The following MYO5A variants were observed in gnomAD, a reference collection of about 807,000 sequenced individuals.
The protein encoded by MYO5A is unconventional myosin-Va.
A neutral mutation model predicts 249.7 loss-of-function variants in MYO5A; 98 were observed. The observed-to-expected ratio is 0.39, with a 90% confidence interval of 0.33 to 0.46. The LOEUF (loss-of-function observed/expected upper bound fraction) is 0.46, where lower values mean the gene tolerates loss of function less well. MYO5A is among the 20% of genes least tolerant of loss of function. MYO5A has a pLI of 0.98. For synonymous variants in MYO5A, 778 were observed against 810.6 expected (o/e 0.96, Z 0.68); for missense variants, 1,696 against 2,308.8 (o/e 0.73, Z 5.44).
chr15:52,336,840 C>T (rs932257823), intron 33 of MYO5A, among the ~76,000 whole-genome samples: 1 of 152,206 alleles, frequency 6.6e-6, no homozygotes, highest in African/African-American at 2.4e-5. Flanking sequence ...CAACTGAATG[C>T]TTTGTAGAAT....
intron 1 of MYO5A, 42 bp downstream of exon 1, chr15:52,528,738 C>T: frequency 6.7e-7 from 1 of 1,492,834 alleles, no homozygotes; most frequent in African/African-American, 1.5e-5. Context: ...CGGCGAGGGC[C>T]GCACAGCCCC....
rs189856301 is a variant in MYO5A, at chr15:52,465,262, G to A, written c.28-31977C>T. On this transcript the variant is annotated intron_variant, in intron 1 of 41. Transcript: ENST00000399233. The stretch of plus-strand genomic sequence containing the variant: ...AAGTGGAAGTGTTAAACTTTGGGCT[G>A]CATGATGCTTTCTTATTAACTCCTC... Among the ~76,000 whole-genome samples, 46 of 152,288 alleles carry A rather than the reference G, an allele frequency of 3.0e-4. 1 individual carries two copies. The highest frequency in any genetic ancestry group is 2.1e-4 in the Non-Finnish European group (14 of 68,036).
intron 5 of MYO5A, among the ~76,000 whole-genome samples, chr15:52,411,248 C>G (rs2043234998): frequency 6.6e-6 from 1 of 152,168 alleles, no homozygotes; most frequent in Admixed American, 6.5e-5. Context: ...TTCAGGGTCT[C>G]TTTAGCCTGA....
Position 52,340,310 on chromosome 15 carries a change from C to T in MYO5A, c.4125G>A (p.Lys1375=). ...GCTGCTGCTGTCGGTTGTTCTCCTC[C>T]TTCAGGCTCTGGATCTCCCCACGGA... ...EALRGEIQSL[K]EENNRQQQLL... The change falls in exon 32 of 42, where the codon AAG becomes AAA. Residue 1375 remains lysine, a synonymous_variant. Transcript: ENST00000399233. 1 of 1,614,058 alleles carries T rather than the reference C, an allele frequency of 6.2e-7. No individual in the cohort carries two copies. The highest frequency in any genetic ancestry group is 8.5e-7 in the Non-Finnish European group (1 of 1,180,036).
At chr15:52,523,191 G>A (rs1724607) in intron 1 of MYO5A, among the ~76,000 whole-genome samples, 138,976 of 152,106 alleles carry the variant, frequency 0.91, 64,856 homozygotes, top group East Asian at 1. Flanking sequence ...CCTGTCTCTC[G>A]GATTTATCCT....
chr15:52,330,598 G>A (rs930905822), intron 34 of MYO5A, 99 bp from the exon 35 acceptor site: 34 of 1,407,854 alleles, frequency 2.4e-5, no homozygotes, highest in East Asian at 1.6e-4. Flanking sequence ...TACAACAACC[G>A]AAACTTGCCA....
rs145067112 is a variant in MYO5A, at chr15:52,443,409, G to C, written c.28-10124C>G. ...AAATTTTTATTTTTTTGCTGACTCT[G>C]CAAGTTACCTTGCATATACTGTGAA... On this transcript the variant is annotated intron_variant, in intron 1 of 41. Coordinates refer to ENST00000399233, the MANE Select transcript of MYO5A (RefSeq NM_001382347.1). Among the ~76,000 whole-genome samples, 1,061 of 152,298 alleles carry C rather than the reference G, an allele frequency of 7.0e-3. 9 individuals are homozygous for C. The highest frequency in any genetic ancestry group is 0.011 in the Non-Finnish European group (739 of 68,012).
chr15:52,476,101 T>C (rs1338059113), intron 1 of MYO5A, among the ~76,000 whole-genome samples: 4 of 152,226 alleles, frequency 2.6e-5, no homozygotes, highest in Admixed American at 6.5e-5. Flanking sequence ...ATATTTAGGA[T>C]AGTTAGCTCT....
intron 9 of MYO5A, among the ~76,000 whole-genome samples, chr15:52,398,956 T>A (rs1425973759): frequency 6.7e-6 from 1 of 149,878 alleles, no homozygotes; most frequent in Non-Finnish European, 1.5e-5. Context: ...GCCACTGCAC[T>A]CCAGCCTGGG....
intron 1 of MYO5A, among the ~76,000 whole-genome samples, chr15:52,500,591 G>A (rs559880695): frequency 6.1e-4 from 93 of 152,032 alleles, no homozygotes; most frequent in African/African-American, 2.2e-3. Flanking sequence ...CAGGTGATCC[G>A]CCCGCCTCGG....
At chr15:52,448,261 C>CT (rs769307776) in intron 1 of MYO5A, among the ~76,000 whole-genome samples, 5 of 152,214 alleles carry the variant, frequency 3.3e-5, no homozygotes, top group Non-Finnish European at 5.9e-5. Flanking sequence ...TCTTTTGGAA[C>CT]TTTAAGATTT....
chr15:52,524,533 A>G (rs899653723), intron 1 of MYO5A, among the ~76,000 whole-genome samples: 1 of 151,194 alleles, frequency 6.6e-6, no homozygotes, highest in African/African-American at 2.4e-5. Flanking sequence ...CAGCCTGGAC[A>G]ACAGAGTGAG....
At chr15:52,460,615 C>T (rs1184342350) in intron 1 of MYO5A, among the ~76,000 whole-genome samples, 2 of 152,130 alleles carry the variant, frequency 1.3e-5, no homozygotes, top group African/African-American at 4.8e-5. Context: ...AGCCTCGGCT[C>T]GGCATCAGAG....
rs1361606248 is a variant in MYO5A at position 52,309,277 on chromosome 15, A to G, written c.*4419T>C. 6.6e-6 allele frequency: 1 copy of G among 152,244 alleles called. No homozygotes were observed. The highest frequency in any genetic ancestry group is 1.5e-5 in the Non-Finnish European group (1 of 68,046). 9.4% of individuals were successfully genotyped at this position (152,244 alleles called of 1,614,324 possible). A position where few individuals can be genotyped will look rare whatever the true frequency, so the allele number is the denominator to read the frequency against. ...TCCTCCCAGAGAGCACTGATTCATGACAGAAGTCAAGCTGAGTTATAGCAA... is the reference window on the plus strand; with the variant it reads ...TCCTCCCAGAGAGCACTGATTCATGGCAGAAGTCAAGCTGAGTTATAGCAA... On this transcript the variant is annotated 3_prime_UTR_variant, in exon 42 of 42. Transcript: ENST00000399233.
intron 5 of MYO5A, among the ~76,000 whole-genome samples, chr15:52,414,806 C>T (rs1417978187): frequency 2.0e-5 from 3 of 152,230 alleles, no homozygotes; most frequent in Non-Finnish European, 4.4e-5. Flanking sequence ...AGTATTAACA[C>T]TAGTGACATC....
At chr15:52,400,139 T>A (rs2042683514) in intron 9 of MYO5A, among the ~76,000 whole-genome samples, 1 of 152,210 alleles carries the variant, frequency 6.6e-6, no homozygotes, top group Admixed American at 6.5e-5. Flanking sequence ...AACATTTGTT[T>A]TTCTCCCTCT....
chr15:52,491,437 C>T (rs2076934107), intron 1 of MYO5A, among the ~76,000 whole-genome samples: 1 of 152,196 alleles, frequency 6.6e-6, no homozygotes, highest in Admixed American at 6.5e-5. Flanking sequence ...GAAAACCCCA[C>T]ATTTCCACCT....
At chr15:52,461,177 T>C (rs541430620) in intron 1 of MYO5A, among the ~76,000 whole-genome samples, 95 of 152,292 alleles carry the variant, frequency 6.2e-4, no homozygotes, top group African/African-American at 2.1e-3. Flanking sequence ...GATCTCCAAC[T>C]CCTGGGCTCA....
At chr15:52,486,537 GA>G (rs2076824407) in intron 1 of MYO5A, among the ~76,000 whole-genome samples, 1 of 152,164 alleles carries the variant, frequency 6.6e-6, no homozygotes, top group African/African-American at 2.4e-5. Flanking sequence ...CATTTTAAAA[GA>G]GATTAGACTT....
Sources: gnomAD v4.1 joint callset for allele counts (sites outside exome capture counted in the v4.1 genomes callset) on GRCh38, gnomAD v4.1.1 for gene constraint, MANE v1.5 for transcripts, NCBI Gene and HGNC (gene_info 2026-07-23, HGNC 2026-07-21) for gene names.